Variants in SORCS1 observed in about 807,000 individuals in gnomAD.
SORCS1 encodes the protein VPS10 domain-containing receptor SorCS1.
In SORCS1, 60 loss-of-function variants were observed where a neutral mutation model predicts 146.1. That is an observed-to-expected ratio of 0.41 (90% CI 0.33 to 0.51). SORCS1 has a LOEUF of 0.51. Ranked by LOEUF, SORCS1 falls within the 20% of genes least tolerant of loss-of-function variation. SORCS1 has a pLI of 0.21. For synonymous variants in SORCS1, 637 were observed against 584.0 expected (o/e 1.09, Z -1.31); for missense variants, 1,352 against 1,487.6 (o/e 0.91, Z 1.50).
At chr10:106,992,813 CCTTT>C (rs201591173) in intron 1 of SORCS1, among the ~76,000 whole-genome samples, 1,375 of 129,448 alleles carry the variant, frequency 0.011, 98 homozygotes, top group Middle Eastern at 0.022. Context: ...TTTCTTTCTT[CCTTT>C]CTTTCTTTCT....
At chr10:106,762,644 A>C (rs1297830733) in intron 4 of SORCS1, among the ~76,000 whole-genome samples, 6 of 151,112 alleles carry the variant, frequency 4.0e-5, no homozygotes, top group Non-Finnish European at 8.8e-5. Context: ...TGATCCGCCC[A>C]CCTCGGCCTC....
chr10:106,581,109 C>T (rs980962107), intron 24 of SORCS1, among the ~76,000 whole-genome samples: 5 of 152,200 alleles, frequency 3.3e-5, no homozygotes, highest in Non-Finnish European at 5.9e-5. Context: ...CTTCAGAACT[C>T]ACCCTGCAAC....
chr10:107,165,993 C>T (rs996795436), upstream of SORCS1, among the ~76,000 whole-genome samples: 1 of 152,174 alleles, frequency 6.6e-6, no homozygotes, highest in African/African-American at 2.4e-5. The surrounding 1 kb of genome is among the most constrained non-coding windows in gnomAD (Gnocchi z 4.0). Context: ...TTGAAAACGG[C>T]AAAGGATTTC....
chr10:107,034,258 T>C (rs1749528289), intron 1 of SORCS1, among the ~76,000 whole-genome samples: 2 of 152,110 alleles, frequency 1.3e-5, no homozygotes, highest in East Asian at 1.9e-4. Context: ...GTCAATACAG[T>C]TGGCCATGCT....
intron 2 of SORCS1, among the ~76,000 whole-genome samples, chr10:106,926,860 CACACACAGAGAGAGAGAGAGAGAG>C (rs1953060213): frequency 1.1e-5 from 1 of 90,252 alleles, no homozygotes; most frequent in African/African-American, 7.6e-5. Flanking sequence ...CACACACACA[CACACACAGAGAGAGAGAGAGAGAG>C]AGAGAGAGAG....
At chr10:107,088,747 A>G (rs886175358) in intron 1 of SORCS1, among the ~76,000 whole-genome samples, 21 of 152,154 alleles carry the variant, frequency 1.4e-4, no homozygotes, top group Non-Finnish European at 1.5e-5. Flanking sequence ...TTAGATGCAG[A>G]GTTTGAGTTA....
the SORCS1 span, among the ~76,000 whole-genome samples, chr10:107,178,043 A>G: frequency 6.6e-6 from 1 of 152,138 alleles, no homozygotes; most frequent in Non-Finnish European, 1.5e-5. Flanking sequence ...AGAATAGCTA[A>G]TGGATGATGG....
At chr10:106,707,240 G>A (rs1162519716) in intron 7 of SORCS1, among the ~76,000 whole-genome samples, 1 of 151,044 alleles carries the variant, frequency 6.6e-6, no homozygotes, top group Admixed American at 6.6e-5. Flanking sequence ...CCAGGCTGGA[G>A]TACAATGGCA....
At chr10:106,898,407 G>C (rs985444738) in intron 2 of SORCS1, among the ~76,000 whole-genome samples, 1 of 152,154 alleles carries the variant, frequency 6.6e-6, no homozygotes, top group Non-Finnish European at 1.5e-5. Context: ...TTCTATGCAG[G>C]AGTTTTACAG....
intron 3 of SORCS1, among the ~76,000 whole-genome samples, chr10:106,790,321 T>A (rs902944485): frequency 6.6e-6 from 1 of 152,218 alleles, no homozygotes; most frequent in African/African-American, 2.4e-5. Context: ...AGCCAATCAC[T>A]GAGACGATGA....
intron 3 of SORCS1, among the ~76,000 whole-genome samples, chr10:106,796,602 C>A (rs1395295562): frequency 6.6e-6 from 1 of 152,172 alleles, no homozygotes; most frequent in Non-Finnish European, 1.5e-5. Context: ...AAATATCTTT[C>A]TTCTCTTTTC....
intron 5 of SORCS1, among the ~76,000 whole-genome samples, chr10:106,738,874 C>A (rs1373046464): frequency 6.6e-6 from 1 of 152,068 alleles, no homozygotes; most frequent in African/African-American, 2.4e-5. Context: ...CGTCTGTAAT[C>A]CCAGGGTCTC....
intron 1 of SORCS1, among the ~76,000 whole-genome samples, chr10:107,010,294 A>C (rs1410492780): frequency 6.6e-6 from 1 of 152,226 alleles, no homozygotes; most frequent in Non-Finnish European, 1.5e-5. Context: ...CCTGCTAAAT[A>C]AGTTTGAAAA....
intron 18 of SORCS1, among the ~76,000 whole-genome samples, chr10:106,643,257 G>A (rs1849188612): frequency 6.6e-6 from 1 of 152,182 alleles, no homozygotes; most frequent in Non-Finnish European, 1.5e-5. Context: ...GATAATTCAT[G>A]AAAAGCACTC....
At chr10:107,035,425 C>T (rs1269692657) in intron 1 of SORCS1, among the ~76,000 whole-genome samples, 1 of 152,082 alleles carries the variant, frequency 6.6e-6, no homozygotes, top group Non-Finnish European at 1.5e-5. Context: ...ACCTGAACCC[C>T]GCAGCTTAGT....
intron 1 of SORCS1, among the ~76,000 whole-genome samples, chr10:107,023,478 CAT>C (rs1158766829): frequency 6.6e-6 from 1 of 152,192 alleles, no homozygotes; most frequent in African/African-American, 2.4e-5. Flanking sequence ...ATCCCATAAA[CAT>C]GTGCTAGAGG....
At chr10:106,728,701 A>G (rs567511186) in intron 6 of SORCS1, among the ~76,000 whole-genome samples, 1 of 152,342 alleles carries the variant, frequency 6.6e-6, no homozygotes, top group East Asian at 1.9e-4. Flanking sequence ...GGTAAAGTGC[A>G]GGACCTTCTG....
intron 3 of SORCS1, among the ~76,000 whole-genome samples, chr10:106,812,094 A>G (rs10786975): frequency 0.45 from 68,055 of 151,794 alleles, 15,575 homozygotes; most frequent in African/African-American, 0.55. Context: ...TCTGCCTCCC[A>G]GGTTCATGCC....
intron 1 of SORCS1, among the ~76,000 whole-genome samples, chr10:107,005,673 C>G (rs1353062851): frequency 6.6e-6 from 1 of 151,546 alleles, no homozygotes; most frequent in Non-Finnish European, 1.5e-5. Flanking sequence ...TTTTCTGTAC[C>G]CTATGTATTT....
Sources: allele counts gnomAD v4.1 joint callset (sites outside exome capture counted in the v4.1 genomes callset), GRCh38; gene constraint gnomAD v4.1.1; non-coding constraint Gnocchi (gnomAD v3.1); transcripts MANE v1.5; gene names NCBI Gene and HGNC (gene_info 2026-07-23, HGNC 2026-07-21).